Variants in CSMD3 observed in about 807,000 individuals in gnomAD.
CSMD3 encodes CUB and sushi domain-containing protein 3.
A neutral mutation model predicts 435.2 loss-of-function variants in CSMD3; 177 were observed. That is an observed-to-expected ratio of 0.41 (90% CI 0.36 to 0.46). CSMD3 has a LOEUF of 0.46. Among genes scored for constraint, CSMD3 ranks in the 20% least tolerant of loss-of-function variants. The pLI is 0.34. For missense variants in CSMD3, 4,265 were observed against 4,504.6 expected (o/e 0.95, Z 1.52); for synonymous variants, 1,656 against 1,520.5 (o/e 1.09, Z -2.07).
chr8:112,930,561 C>A (rs1308713099), intron 9 of CSMD3, among the ~76,000 whole-genome samples: 1 of 151,696 alleles, frequency 6.6e-6, no homozygotes, highest in Non-Finnish European at 1.5e-5. Flanking sequence ...TATAAATTAT[C>A]CAAAATGATC....
At chr8:112,945,588 ATG>A (rs10574750) in intron 9 of CSMD3, among the ~76,000 whole-genome samples, 13,402 of 140,520 alleles carry the variant, frequency 0.095, 626 homozygotes, top group Middle Eastern at 0.14. Context: ...ATACAGAAAT[ATG>A]TGTGTGTGTG....
intron 11 of CSMD3, among the ~76,000 whole-genome samples, chr8:112,847,596 T>C (rs1372442043): frequency 6.6e-6 from 1 of 152,122 alleles, no homozygotes; most frequent in Non-Finnish European, 1.5e-5. Flanking sequence ...TGGGCCTGCT[T>C]TTTCAGGAAC....
At chr8:113,255,018 G>T (rs2093367779) in intron 3 of CSMD3, among the ~76,000 whole-genome samples, 1 of 152,070 alleles carries the variant, frequency 6.6e-6, no homozygotes. Context: ...GCAAGTAAAA[G>T]AATGGAGGAC....
chr8:112,307,549 C>G (rs1821562423), intron 50 of CSMD3, among the ~76,000 whole-genome samples: 1 of 152,092 alleles, frequency 6.6e-6, no homozygotes. Context: ...TTCCAAAGTA[C>G]TGGGATTACA....
chr8:112,915,017 C>T (rs1253743952), intron 10 of CSMD3, among the ~76,000 whole-genome samples: 3 of 151,876 alleles, frequency 2.0e-5, no homozygotes, highest in Non-Finnish European at 4.4e-5. Context: ...GCTAGTAGCA[C>T]ATATTTTCAG....
At chr8:113,351,394 T>G (rs910000068) in intron 1 of CSMD3, among the ~76,000 whole-genome samples, 8 of 152,126 alleles carry the variant, frequency 5.3e-5, no homozygotes, top group Non-Finnish European at 1.0e-4. Flanking sequence ...AAAGCAGGAT[T>G]GCCCTCACCT....
chr8:112,622,416 T>C (rs1834146852), intron 22 of CSMD3, among the ~76,000 whole-genome samples: 1 of 152,158 alleles, frequency 6.6e-6, no homozygotes, highest in Non-Finnish European at 1.5e-5. Flanking sequence ...GATGTAAACT[T>C]AAACATGTTA....
chr8:112,239,974 T>C (rs1361674157), intron 66 of CSMD3, among the ~76,000 whole-genome samples: 1 of 152,076 alleles, frequency 6.6e-6, no homozygotes, highest in Non-Finnish European at 1.5e-5. Flanking sequence ...GCTTTTCTTT[T>C]CAATAATGTA....
intron 27 of CSMD3, among the ~76,000 whole-genome samples, chr8:112,520,738 C>G (rs965491995): frequency 1.3e-5 from 2 of 151,432 alleles, no homozygotes; most frequent in Non-Finnish European, 3.0e-5. Flanking sequence ...CATATATATG[C>G]CAAATATATG....
chr8:113,021,385 T>C lies in CSMD3; in HGVS notation c.918-2206A>G, dbSNP rs2086678760. On this transcript the variant is annotated intron_variant, in intron 5 of 70. Transcript: ENST00000297405. ...ATTTTCAATTGAGTAGCATAGTTCA[T>C]GCCAGATTTTGATTTACAATTTGGT... Among the ~76,000 whole-genome samples the C allele has an allele frequency of 2.0e-5, 3 of 152,350 alleles. No individual in the cohort carries two copies. The South Asian group carries it at 6.2e-4, about 32-fold the overall frequency.
chr8:112,336,997 G>A (rs1456058266), intron 43 of CSMD3, among the ~76,000 whole-genome samples, 168 bp from the exon 44 acceptor site: 1 of 152,084 alleles, frequency 6.6e-6, no homozygotes, highest in Non-Finnish European at 1.5e-5. Flanking sequence ...GCACAAAATA[G>A]AGTCAACTTT....
intron 13 of CSMD3, among the ~76,000 whole-genome samples, chr8:112,718,515 G>GTATATATATATATATATATATATATA (rs35810260): frequency 1.4e-5 from 2 of 140,444 alleles, no homozygotes; most frequent in African/African-American, 5.1e-5. Flanking sequence ...GTATATATAT[G>GTATATATATATATATATATATATATA]TATATATATA....
intron 38 of CSMD3, among the ~76,000 whole-genome samples, chr8:112,379,819 A>C (rs560622053): frequency 6.6e-6 from 1 of 152,344 alleles, no homozygotes; most frequent in African/African-American, 2.4e-5. Context: ...AAACAGATAT[A>C]CAGACCAAAG....
In CSMD3 at chr8:112,305,798, T is replaced by C. The variant is rs117816908; in HGVS notation, c.8071+209A>G. Among the ~76,000 whole-genome samples the C allele has an allele frequency of 7.3e-4, 111 of 152,234 alleles. 2 individuals carry two copies. In the East Asian group the frequency reaches 0.017, roughly 24 times the overall value. On this transcript the variant is annotated intron_variant, in intron 51 of 70. Transcript: ENST00000297405. ...ATAAAAGTGCCTTTTTTGACATAAA[T>C]ATTCTGAGGTTTTCAAAAATGATGG...
rs896088431 is a variant in CSMD3 at position 112,741,438 on chromosome 8, G to A, written c.1973-51388C>T. 4.0e-5 allele frequency among the ~76,000 whole-genome samples: 6 copies of A among 151,720 alleles called. No individual in the cohort carries two copies. The East Asian group carries it at 9.7e-4, about 24-fold the overall frequency. On this transcript the variant is annotated intron_variant, in intron 13 of 70. Coordinates refer to ENST00000297405, the MANE Select transcript of CSMD3 (RefSeq NM_198123.2). ...AATTATAGTAATTATAAAAACAAAA[G>A]AAAACAAACAAAGAAAGTAAAAGAT... is the stretch of plus-strand genomic sequence containing the variant.
At chr8:112,351,894 C>CA (rs57308072) in intron 39 of CSMD3, among the ~76,000 whole-genome samples, 4,965 of 150,954 alleles carry the variant, frequency 0.033, 272 homozygotes, top group African/African-American at 0.11. Context: ...GGACCCTCGA[C>CA]AAAAAAAATC....
chr8:112,245,116 T>A (rs1814595435), intron 64 of CSMD3, among the ~76,000 whole-genome samples: 1 of 152,128 alleles, frequency 6.6e-6, no homozygotes, highest in Non-Finnish European at 1.5e-5. Context: ...AAAGTACATT[T>A]TAATAATTTT....
intron 53 of CSMD3, among the ~76,000 whole-genome samples, chr8:112,296,267 T>C (rs1297780287): frequency 1.3e-5 from 2 of 151,962 alleles, no homozygotes; most frequent in African/African-American, 2.4e-5. Context: ...AAAATGAAAA[T>C]ATAGGCTGGG....
chr8:112,968,511 G>A (rs1245266642), intron 7 of CSMD3, among the ~76,000 whole-genome samples: 1 of 150,048 alleles, frequency 6.7e-6, no homozygotes, highest in Non-Finnish European at 1.5e-5. Flanking sequence ...ATAATAAACT[G>A]CTTTGCACTG....
Sources: gnomAD v4.1 joint callset for allele counts (sites outside exome capture counted in the v4.1 genomes callset) on GRCh38, gnomAD v4.1.1 for gene constraint, MANE v1.5 for transcripts, NCBI Gene and HGNC (gene_info 2026-07-23, HGNC 2026-07-21) for gene names.